The following TP73 variants were observed in gnomAD, a reference collection of about 807,000 sequenced individuals.
TP73 encodes p53-like transcription factor.
A neutral mutation model predicts 62.5 loss-of-function variants in TP73; 25 were observed. That is an observed-to-expected ratio of 0.40 (90% CI 0.29 to 0.56). The LOEUF is 0.56. Among genes scored for constraint, TP73 ranks in the 20% least tolerant of loss-of-function variants. The pLI is 0.46. For missense variants in TP73, 754 were observed against 913.3 expected (o/e 0.83, Z 2.25); for synonymous variants, 423 against 377.5 (o/e 1.12, Z -1.40).
chr1:3,656,683 C>T (rs541289547), intron 1 of TP73, among the ~76,000 whole-genome samples: 6 of 152,332 alleles, frequency 3.9e-5, no homozygotes, highest in Admixed American at 2.0e-4. Context: ...CCATCCTTTG[C>T]CTGGGTCTGC....
At chr1:3,664,491 C>T (rs1570368128) in intron 1 of TP73, among the ~76,000 whole-genome samples, 1 of 152,328 alleles carries the variant, frequency 6.6e-6, no homozygotes, top group Non-Finnish European at 1.5e-5. Context: ...GGCAGGGAAG[C>T]TCCTGCTCGC....
At chr1:3,661,152 TAATC>T (rs1161806403) in intron 1 of TP73, among the ~76,000 whole-genome samples, 1 of 152,182 alleles carries the variant, frequency 6.6e-6, no homozygotes, top group Non-Finnish European at 1.5e-5. Context: ...ATTGGCAAAA[TAATC>T]TATGTTTTTA....
At chr1:3,723,062 C>T (rs1641223757) in intron 5 of TP73, among the ~76,000 whole-genome samples, 1 of 150,944 alleles carries the variant, frequency 6.6e-6, no homozygotes, top group Non-Finnish European at 1.5e-5. Flanking sequence ...AGCTGGGCAC[C>T]TCTCTGCACC....
chr1:3,729,838 G>A, intron 10 of TP73, 162 bp from the exon 11 acceptor site: 2 of 1,090,438 alleles, frequency 1.8e-6, no homozygotes, highest in South Asian at 1.6e-5. Flanking sequence ...CAGTGGCCGT[G>A]CATGGCCATG....
chr1:3,730,130 C>T lies in TP73; in HGVS notation c.1327C>T (p.Pro443Ser), dbSNP rs574394443. Residue 443 changes from proline (P) to serine (S), a missense_variant, in exon 11 of 14, where the codon CCC becomes TCC. By Grantham distance (74) the Pro-to-Ser change is moderately conservative (BLOSUM62 -1). This residue lies in a region of TP73 where 458 missense variants were observed against 528.7 expected (regional missense o/e 0.87). Coordinates refer to ENST00000378295, the MANE Select transcript of TP73 (RefSeq NM_005427.4). Reference protein sequence around the residue: ...QPPPHSSAATPNLGPVGPGML... With the variant: ...QPPPHSSAATSNLGPVGPGML... ...TCCCCCGCACAGTTCGGCAGCTACA[C>T]CCAACCTGGGGCCCGTGGGTGAGTC... is the stretch of plus-strand genomic sequence containing the variant. The T allele has an allele frequency of 1.2e-5, 19 of 1,561,388 alleles. No individual in the cohort carries two copies. The highest frequency in any genetic ancestry group is 7.6e-5 in the Admixed American group (4 of 52,562).
At chr1:3,665,977 A>C (rs1316602315) in intron 1 of TP73, among the ~76,000 whole-genome samples, 1 of 151,430 alleles carries the variant, frequency 6.6e-6, no homozygotes, top group Non-Finnish European at 1.5e-5. Context: ...TCTACTAAAA[A>C]TACAAAAATT....
intron 8 of TP73, 111 bp from the exon 9 acceptor site, chr1:3,728,018 A>G: frequency 7.8e-7 from 1 of 1,281,362 alleles, no homozygotes; most frequent in Non-Finnish European, 1.1e-6. Context: ...CACCGGACCC[A>G]CCTGGAGAAT....
chr1:3,730,843 C>T, intron 11 of TP73, 84 bp from the exon 12 acceptor site: 1 of 1,481,744 alleles, frequency 6.7e-7, no homozygotes, highest in Non-Finnish European at 9.0e-7. Flanking sequence ...TCCCTGGTGT[C>T]CAGAGGTGTC....
rs1282227980 is a variant in TP73, at chr1:3,734,239, G to C, written c.*1160G>C. ...CTGAGGTAGGTGTAGGGGGGTCTAG[G>C]CCTTCGTGGAGCACCCCAGGGAGTT... On this transcript the variant is annotated 3_prime_UTR_variant, in exon 14 of 14. Coordinates refer to ENST00000378295, the MANE Select transcript of TP73 (RefSeq NM_005427.4). The surrounding 1 kb of genome is among the most constrained non-coding windows in gnomAD (Gnocchi z 4.4). 2.0e-5 allele frequency: 3 copies of C among 152,304 alleles called. No homozygotes were observed. Among genetic ancestry groups the C allele is most frequent in the African/African-American group, 7.2e-5 (3 of 41,434 alleles). The allele number at this position is 152,304 out of a possible 1,614,324, so 9.4% of individuals were successfully genotyped here.
chr1:3,657,880 C>T (rs895906389), intron 1 of TP73, among the ~76,000 whole-genome samples: 12 of 150,772 alleles, frequency 8.0e-5, no homozygotes, highest in African/African-American at 1.2e-4. Flanking sequence ...CTGCTTGGGC[C>T]GCATAGCCCC....
chr1:3,713,445 G>A (rs2124431901), intron 4 of TP73, among the ~76,000 whole-genome samples: 1 of 152,364 alleles, frequency 6.6e-6, no homozygotes, highest in African/African-American at 2.4e-5. Context: ...CTGACGCCAA[G>A]ATGCGGTCGT....
At chr1:3,675,469 G>C (rs1057405251) in intron 1 of TP73, among the ~76,000 whole-genome samples, 11 of 152,206 alleles carry the variant, frequency 7.2e-5, no homozygotes, top group African/African-American at 2.2e-4. Flanking sequence ...GGGTGGCCCG[G>C]GGCGGGTGGA....
chr1:3,715,942 G>A (rs1640559493), intron 4 of TP73, among the ~76,000 whole-genome samples: 1 of 152,186 alleles, frequency 6.6e-6, no homozygotes, highest in Non-Finnish European at 1.5e-5. Flanking sequence ...CAGCTCCTGT[G>A]GTCTGGGTGC....
chr1:3,702,192 G>A (rs543526554), intron 3 of TP73, among the ~76,000 whole-genome samples: 59 of 152,276 alleles, frequency 3.9e-4, no homozygotes, highest in African/African-American at 1.2e-3. Flanking sequence ...GGGCTTCAGG[G>A]CTGGGCTGAG....
At chr1:3,658,168 C>T (rs1397978118) in intron 1 of TP73, among the ~76,000 whole-genome samples, 1 of 152,176 alleles carries the variant, frequency 6.6e-6, no homozygotes, top group Non-Finnish European at 1.5e-5. Context: ...GAGCAGGGAC[C>T]GTGGAGGGGA....
Position 3,666,124 on chromosome 1 carries a change from CAAAAAAA to C in TP73, c.-34+13504_-34+13510del, listed in dbSNP as rs59432695. ...GGGCAACAAGAGCAAAACTCTGTCT[CAAAAAAA>C]AAAAAAAAAAAAAAAAAAAAGAGAG... On this transcript the variant is annotated intron_variant, in intron 1 of 13. Transcript: ENST00000378295. The surrounding 1 kb of genome is among the most constrained non-coding windows in gnomAD (Gnocchi z 6.4). 0.022 allele frequency among the ~76,000 whole-genome samples: 917 copies of C among 41,064 alleles called. 13 individuals carry two copies. The highest frequency in any genetic ancestry group is 0.029 in the Non-Finnish European group (637 of 22,112). The allele number at this position is 41,064 out of a possible 152,430, so 26.9% of individuals were successfully genotyped here.
chr1:3,687,869 G>A (rs1375629230), intron 3 of TP73, among the ~76,000 whole-genome samples: 3 of 152,174 alleles, frequency 2.0e-5, no homozygotes, highest in African/African-American at 7.2e-5. Flanking sequence ...TACCCTGGGA[G>A]CCCCGGGAAC....
Position 3,728,175 on chromosome 1 carries a change from G to C in TP73, c.1032G>C (p.Val344=), listed in dbSNP as rs2124524399. The C allele has an allele frequency of 1.2e-6, 2 of 1,612,040 alleles. No homozygotes were observed. The highest frequency in any genetic ancestry group is 1.1e-5 in the South Asian group (1 of 91,080). ...PPAVPALGAG[V]KKRRHGDEDT... The stretch of plus-strand genomic sequence containing the variant: ...CCGTCCCCGCCCTTGGTGCCGGTGT[G>C]AAGAAGCGGCGGCATGGAGACGAGG... The change falls in exon 9 of 14, where the codon GTG becomes GTC. Residue 344 remains valine, a synonymous_variant. Coordinates refer to ENST00000378295, the MANE Select transcript of TP73 (RefSeq NM_005427.4).
Position 3,734,395 on chromosome 1 carries a change from C to T in TP73, c.*1316C>T, listed in dbSNP as rs1441627920. ...ACAGCTTCAGGGCAGGGAACCGGAG[C>T]CCCTGGGGGGCCTCACGGGTGTGAC... is the stretch of plus-strand genomic sequence containing the variant. On this transcript the variant is annotated 3_prime_UTR_variant, in exon 14 of 14. Transcript: ENST00000378295. This position sits in a 1 kb window ranked among gnomAD's most constrained non-coding sequence, Gnocchi z 4.4. 1 of 152,174 alleles carries T rather than the reference C, an allele frequency of 6.6e-6. No homozygotes were observed. Among genetic ancestry groups the T allele is most frequent in the Non-Finnish European group, 1.5e-5 (1 of 68,040 alleles). 9.4% of individuals were successfully genotyped at this position (152,174 alleles called of 1,614,324 possible). A position where few individuals can be genotyped will look rare whatever the true frequency, so the allele number is the denominator to read the frequency against.
Sources: gnomAD v4.1 joint callset for allele counts (sites outside exome capture counted in the v4.1 genomes callset) on GRCh38, gnomAD v4.1.1 for gene constraint, gnomAD v4.1.1 regional missense constraint, Gnocchi (gnomAD v3.1) non-coding constraint, MANE v1.5 for transcripts, NCBI Gene and HGNC (gene_info 2026-07-23, HGNC 2026-07-21) for gene names.